BTBD10: variants seen among roughly 807,000 people sequenced by gnomAD.
BTBD10 encodes the protein BTB/POZ domain-containing protein 10.
BTBD10 carries 21 observed loss-of-function variants against 53.2 expected under a neutral mutation model. The observed-to-expected ratio is 0.39, with a 90% CI of 0.28 to 0.57. The LOEUF (loss-of-function observed/expected upper bound fraction) is 0.57. Among genes scored for constraint, BTBD10 ranks in the 20% least tolerant of loss-of-function variants. The pLI, the probability that BTBD10 is intolerant of heterozygous loss-of-function variation, is 0.53. For missense variants in BTBD10, 360 were observed against 594.7 expected, an observed-to-expected ratio of 0.61 and a Z score of 4.10; for synonymous variants, 149 against 192.7, an observed-to-expected ratio of 0.77 and a Z score of 1.88.
intron 2 of BTBD10, among the ~76,000 whole-genome samples, chr11:13,430,565 T>A (rs539032015): frequency 1.3e-5 from 2 of 152,270 alleles, no homozygotes; most frequent in Non-Finnish European, 1.5e-5. Flanking sequence ...ATAAAAAAAA[T>A]TTGTAAACAA....
chr11:13,459,004 T>C (rs1731130356), intron 1 of BTBD10, among the ~76,000 whole-genome samples: 1 of 151,964 alleles, frequency 6.6e-6, no homozygotes, highest in Non-Finnish European at 1.5e-5. Context: ...TAAGATTCTC[T>C]GTCAGGTATC....
At chr11:13,406,934 T>C (rs1264436154) in intron 6 of BTBD10, among the ~76,000 whole-genome samples, 1 of 152,020 alleles carries the variant, frequency 6.6e-6, no homozygotes, top group African/African-American at 2.4e-5. Context: ...TTCAACACCT[T>C]CTCTCTCCCC....
At chr11:13,389,848 TTTTC>T (rs1303651540) in intron 8 of BTBD10, among the ~76,000 whole-genome samples, 1 of 152,242 alleles carries the variant, frequency 6.6e-6, no homozygotes, top group African/African-American at 2.4e-5. Flanking sequence ...GAGTTTTTTC[TTTTC>T]TTTTTGTTAA....
At chr11:13,435,854 G>A (rs1476460719) in intron 2 of BTBD10, among the ~76,000 whole-genome samples, 1 of 152,096 alleles carries the variant, frequency 6.6e-6, no homozygotes, top group African/African-American at 2.4e-5. Flanking sequence ...AATGACCTTT[G>A]AAAACACAAC....
At chr11:13,390,339 C>T (rs534527956) in intron 8 of BTBD10, among the ~76,000 whole-genome samples, 19 of 151,780 alleles carry the variant, frequency 1.3e-4, no homozygotes, top group Admixed American at 1.1e-3. Context: ...TGAATGAGCA[C>T]GTGTATGTTT....
At chr11:13,439,838 T>A in intron 2 of BTBD10, 3 of 1,417,558 alleles carry the variant, frequency 2.1e-6, no homozygotes, top group Non-Finnish European at 2.8e-6. Flanking sequence ...TTCATATATG[T>A]AAATAATTAT....
chr11:13,439,061 G>GA (rs1245779918), intron 2 of BTBD10, among the ~76,000 whole-genome samples: 1 of 151,790 alleles, frequency 6.6e-6, no homozygotes. Flanking sequence ...ACACTTCAAG[G>GA]AAAGAATGTT....
chr11:13,417,307 C>A (rs763502385), intron 4 of BTBD10, 47 bp from the exon 5 acceptor site: 3 of 1,333,316 alleles, frequency 2.3e-6, no homozygotes, highest in South Asian at 1.4e-5. Flanking sequence ...ATACTTCCTT[C>A]AAAAGGGAAA....
Position 13,431,199 on chromosome 11 carries a change from C to T in BTBD10, c.102-9361G>A, listed in dbSNP as rs80062884. Among the ~76,000 whole-genome samples the T allele has an allele frequency of 8.4e-3, 1,285 of 152,190 alleles. 8 individuals are homozygous for T. Among genetic ancestry groups the T allele is most frequent in the South Asian group, 0.028 (135 of 4,824 alleles). The stretch of plus-strand genomic sequence containing the variant: ...AGAGTGCACTAAATTCCTTCTCTTA[C>T]CAATCTACATAGATTTTTGCATCCT... On this transcript the variant is annotated intron_variant, in intron 2 of 8. Coordinates refer to ENST00000278174, the MANE Select transcript of BTBD10 (RefSeq NM_032320.7).
At chr11:13,397,418 T>C (rs1323363010) in intron 8 of BTBD10, among the ~76,000 whole-genome samples, 1 of 152,226 alleles carries the variant, frequency 6.6e-6, no homozygotes, top group Non-Finnish European at 1.5e-5. Flanking sequence ...TGCGTCTATT[T>C]GATTCTTCTC....
chr11:13,401,707 CACT>C (rs1170471016), intron 8 of BTBD10, among the ~76,000 whole-genome samples: 2 of 152,126 alleles, frequency 1.3e-5, no homozygotes, highest in Non-Finnish European at 2.9e-5. Context: ...GTATTACACT[CACT>C]ACTAAGATAA....
intron 4 of BTBD10, 58 bp from the exon 5 acceptor site, chr11:13,417,318 A>C: frequency 8.0e-7 from 1 of 1,242,568 alleles, no homozygotes; most frequent in Non-Finnish European, 1.1e-6. Context: ...AAAAGGGAAA[A>C]TAGATTTCAT....
At chr11:13,436,192 G>A (rs1950540401) in intron 2 of BTBD10, among the ~76,000 whole-genome samples, 1 of 152,194 alleles carries the variant, frequency 6.6e-6, no homozygotes, top group Non-Finnish European at 1.5e-5. Flanking sequence ...TTTCATTCTA[G>A]CCTTGGAAAG....
At chr11:13,447,935 C>T (rs1183543749) in intron 1 of BTBD10, among the ~76,000 whole-genome samples, 1 of 152,004 alleles carries the variant, frequency 6.6e-6, no homozygotes, top group African/African-American at 2.4e-5. Flanking sequence ...CACAAAAATG[C>T]TAGTGTTTTT....
chr11:13,401,134 T>TATATATAG (rs1949708652), intron 8 of BTBD10, among the ~76,000 whole-genome samples: 1 of 133,770 alleles, frequency 7.5e-6, no homozygotes, highest in African/African-American at 2.6e-5. Flanking sequence ...GATATATATA[T>TATATATAG]ATTACATTAT....
intron 2 of BTBD10, among the ~76,000 whole-genome samples, chr11:13,432,715 G>T (rs2134001092): frequency 6.6e-6 from 1 of 152,032 alleles, no homozygotes; most frequent in Non-Finnish European, 1.5e-5. Context: ...AAAAAGTTCT[G>T]AGAAATGCAA....
At chr11:13,458,754 C>A (rs1014183232) in intron 1 of BTBD10, among the ~76,000 whole-genome samples, 5 of 152,168 alleles carry the variant, frequency 3.3e-5, no homozygotes, top group African/African-American at 1.2e-4. Context: ...GAATGTCTCG[C>A]AGTTAACCAT....
At chr11:13,428,194 T>C (rs768236831) in intron 2 of BTBD10, among the ~76,000 whole-genome samples, 1 of 152,048 alleles carries the variant, frequency 6.6e-6, no homozygotes, top group Non-Finnish European at 1.5e-5. Flanking sequence ...TTTAAGCCAA[T>C]AAATTCAACA....
chr11:13,414,608 C>T (rs575909235), intron 5 of BTBD10, among the ~76,000 whole-genome samples: 86 of 151,722 alleles, frequency 5.7e-4, no homozygotes, highest in Non-Finnish European at 9.0e-4. Flanking sequence ...GAGCCGAGAT[C>T]GCGCCACTGC....
Sources: gnomAD v4.1 joint callset for allele counts (sites outside exome capture counted in the v4.1 genomes callset) on GRCh38, gnomAD v4.1.1 for gene constraint, MANE v1.5 for transcripts, NCBI Gene and HGNC (gene_info 2026-07-23, HGNC 2026-07-21) for gene names.